Variants in NRDC observed in about 807,000 individuals in gnomAD.
The protein encoded by NRDC is nardilysin.
Under a neutral mutation model 147.1 loss-of-function variants are expected in NRDC, and 54 were observed. The observed-to-expected ratio is 0.37, with a 90% CI of 0.29 to 0.46. The LOEUF is 0.46. Ranked by LOEUF, NRDC falls within the 20% of genes least tolerant of loss-of-function variation. The pLI, the probability that NRDC is intolerant of heterozygous loss-of-function variation, is 1.00. For synonymous variants in NRDC, 440 were observed against 482.1 expected, an observed-to-expected ratio of 0.91 and a Z score of 1.14; for missense variants, 1,082 against 1,370.6, an observed-to-expected ratio of 0.79 and a Z score of 3.33.
Position 51,819,857 on chromosome 1 carries a change from T to A in NRDC, c.1234A>T (p.Asn412Tyr). The A allele has an allele frequency of 6.2e-7, 1 of 1,607,570 alleles. No homozygotes were observed. The highest frequency in any genetic ancestry group is 8.5e-7 in the Non-Finnish European group (1 of 1,176,744). ...QIPNNGLPRP[N>Y]FGHLTDPFDT... is the part of the protein sequence containing the mutation. Reference sequence around the variant, plus strand: ...AATGGATCCGTTAAATGGCCAAAGTTTGGTCTGGGTAACCCACTGAAAATA... The same window carrying A: ...AATGGATCCGTTAAATGGCCAAAGTATGGTCTGGGTAACCCACTGAAAATA... Residue 412 changes from asparagine (N) to tyrosine (Y), a missense_variant, in exon 9 of 31, where the codon AAC becomes TAC. Asn to Tyr is a moderately radical substitution (Grantham distance 143, BLOSUM62 -2). Coordinates refer to ENST00000352171, the MANE Select transcript of NRDC (RefSeq NM_001101662.2).
At chr1:51,830,654 C>T (rs1351012683) in intron 4 of NRDC, among the ~76,000 whole-genome samples, 1 of 152,162 alleles carries the variant, frequency 6.6e-6, no homozygotes, top group Non-Finnish European at 1.5e-5. Context: ...TGTATTCCCG[C>T]TTATAATGGG....
intron 4 of NRDC, among the ~76,000 whole-genome samples, chr1:51,831,854 T>C (rs1680727451): frequency 6.6e-6 from 1 of 151,512 alleles, no homozygotes; most frequent in Admixed American, 6.6e-5. Flanking sequence ...GCTGGAATTA[T>C]AGGCATGAGG....
chr1:51,791,187 C>G (rs1165579061), intron 27 of NRDC, among the ~76,000 whole-genome samples, 197 bp from the exon 28 acceptor site: 4 of 152,184 alleles, frequency 2.6e-5, no homozygotes, highest in Non-Finnish European at 5.9e-5. Context: ...CTCCCCCTCA[C>G]CCCACCTCCA....
At chr1:51,869,388 CCA>C (rs1363471784) in intron 1 of NRDC, among the ~76,000 whole-genome samples, 1 of 152,112 alleles carries the variant, frequency 6.6e-6, no homozygotes, top group Non-Finnish European at 1.5e-5. Context: ...CTTCCTTTCC[CCA>C]GAGAAATGAG....
chr1:51,842,119 G>A (rs1395957436), intron 1 of NRDC, among the ~76,000 whole-genome samples: 1 of 152,056 alleles, frequency 6.6e-6, no homozygotes, highest in African/African-American at 2.4e-5. Flanking sequence ...GCTGCAGCGA[G>A]CCCAGATCGG....
At position 51,803,928 on chromosome 1, in the gene NRDC, C is replaced by A; in HGVS notation, c.2199G>T (p.Thr733=). ...CATAAGCTGGTTCCGCAAGGTTATG[C>A]GTAAGGATATTGACAAAGATATCAA... ...VLFDIFVNIL[T]HNLAEPAYEA... Residue 733 remains threonine (T), a synonymous_variant, in exon 20 of 31, where the codon ACG becomes ACT. Transcript: ENST00000352171. The A allele has an allele frequency of 6.2e-7, 1 of 1,611,668 alleles. No homozygotes were observed. The highest frequency in any genetic ancestry group is 1.1e-5 in the South Asian group (1 of 90,604).
At chr1:51,826,538 A>C (rs1456993983) in intron 5 of NRDC, among the ~76,000 whole-genome samples, 1 of 152,228 alleles carries the variant, frequency 6.6e-6, no homozygotes, top group Non-Finnish European at 1.5e-5. Flanking sequence ...CTTTCATCTC[A>C]ATCACTAAGA....
Position 51,800,643 on chromosome 1 carries a change from T to C in NRDC, c.2354A>G (p.Asn785Ser), listed in dbSNP as rs761142636. The change falls in exon 21 of 31, where the codon AAT (asparagine) becomes AGT (serine). Residue 785 changes from asparagine (N) to serine (S), a missense_variant. Coordinates refer to ENST00000352171, the MANE Select transcript of NRDC (RefSeq NM_001101662.2). The part of the protein sequence containing the change: ...QLIIDYLAEF[N>S]STPAVFTMIT... ...CATTGTAAAGACAGCTGGTGTGGAATTGAACTCAGCTAAGTAGTCAATAAT... is the reference window on the plus strand; with the variant it reads ...CATTGTAAAGACAGCTGGTGTGGAACTGAACTCAGCTAAGTAGTCAATAAT... 8.1e-6 allele frequency: 13 copies of C among 1,614,058 alleles called. No individual in the cohort carries two copies. Among genetic ancestry groups the C allele is most frequent in the East Asian group, 2.2e-5 (1 of 44,876 alleles).
intron 1 of NRDC, among the ~76,000 whole-genome samples, chr1:51,847,868 A>G (rs1269060533): frequency 1.3e-5 from 2 of 152,254 alleles, no homozygotes; most frequent in East Asian, 3.8e-4. Context: ...GTGGGCACCG[A>G]GGCCGAGGAG....
intron 1 of NRDC, among the ~76,000 whole-genome samples, chr1:51,866,569 C>G (rs547293174): frequency 1.3e-5 from 2 of 151,882 alleles, no homozygotes; most frequent in South Asian, 4.2e-4. Context: ...AAAACTGTAA[C>G]CAAATGACAA....
intron 16 of NRDC, among the ~76,000 whole-genome samples, chr1:51,809,975 A>G (rs1679640491): frequency 6.6e-6 from 1 of 152,142 alleles, no homozygotes; most frequent in South Asian, 2.1e-4. Context: ...CTGACTCAGA[A>G]TCTGCATTTT....
intron 22 of NRDC, 71 bp downstream of exon 22, chr1:51,798,178 G>A: frequency 5.3e-6 from 8 of 1,496,224 alleles, no homozygotes; most frequent in Non-Finnish European, 7.4e-6. Flanking sequence ...TTCCCCTTTA[G>A]GAAAGAACTA....
rs1453954584 is a variant in NRDC, at chr1:51,809,338, A to G, written c.1967T>C (p.Leu656Pro). The change falls in exon 17 of 31, where the codon CTT becomes CCT. Residue 656 changes from leucine to proline, a missense_variant. Leu to Pro is a moderately conservative substitution (Grantham distance 98). Around this residue, in one of 3 missense-constraint regions of NRDC, gnomAD observed 635 missense variants for 923.8 expected, o/e 0.69. Coordinates refer to ENST00000352171, the MANE Select transcript of NRDC (RefSeq NM_001101662.2). ...SNFELNPDLH[L>P]PAENKYIATD... Reference sequence around the variant, plus strand: ...ACCTATGTACTTGTTTTCAGCTGGAAGATGAAGATCTGGATTTAATTCGAA... The same window carrying G: ...ACCTATGTACTTGTTTTCAGCTGGAGGATGAAGATCTGGATTTAATTCGAA... 1.9e-6 allele frequency: 3 copies of G among 1,613,702 alleles called. No individual in the cohort carries two copies. The South Asian group carries it at 3.3e-5, about 18-fold the overall frequency.
At chr1:51,860,287 T>C (rs1016396920) in intron 1 of NRDC, among the ~76,000 whole-genome samples, 1 of 152,208 alleles carries the variant, frequency 6.6e-6, no homozygotes, top group Admixed American at 6.5e-5. Flanking sequence ...TCCCATTCCG[T>C]AAGTTTTTCT....
chr1:51,792,922 A>G (rs1173121974), intron 24 of NRDC, among the ~76,000 whole-genome samples: 1 of 152,244 alleles, frequency 6.6e-6, no homozygotes, highest in African/African-American at 2.4e-5. Flanking sequence ...ACCACATGCT[A>G]GCTGCCCAAG....
chr1:51,793,120 T>A (rs926716749), intron 24 of NRDC, among the ~76,000 whole-genome samples: 1 of 152,228 alleles, frequency 6.6e-6, no homozygotes, highest in Non-Finnish European at 1.5e-5. Flanking sequence ...TGAGATTTTC[T>A]GTTTCCCTCT....
chr1:51,812,148 T>C (rs1557906458), intron 14 of NRDC, 50 bp from the exon 15 acceptor site: 1 of 1,259,784 alleles, frequency 7.9e-7, no homozygotes, highest in Non-Finnish European at 1.2e-6. Context: ...TTATTATATT[T>C]GATTTACCAC....
At position 51,794,457 on chromosome 1, in the gene NRDC, G is replaced by T. The variant is rs143111186; in HGVS notation, c.2775+15C>A. On this transcript the variant is annotated intron_variant, in intron 24 of 30. Coordinates refer to ENST00000352171, the MANE Select transcript of NRDC (RefSeq NM_001101662.2). ...GCACTGGGCCTTCCGCCAGTCTTTAGTACACCCAACTGACCTGGTAGTACA... is the reference window on the plus strand; with the variant it reads ...GCACTGGGCCTTCCGCCAGTCTTTATTACACCCAACTGACCTGGTAGTACA... 1 of 1,613,262 alleles carries T rather than the reference G, an allele frequency of 6.2e-7. No homozygotes were observed. Among genetic ancestry groups the T allele is most frequent in the East Asian group, 2.2e-5 (1 of 44,846 alleles).
intron 1 of NRDC, among the ~76,000 whole-genome samples, chr1:51,843,610 T>C (rs143939160): frequency 6.6e-6 from 1 of 152,236 alleles, no homozygotes; most frequent in Non-Finnish European, 1.5e-5. Context: ...GAATTATACA[T>C]GTTAACAAAC....
Sources: allele counts gnomAD v4.1 joint callset (sites outside exome capture counted in the v4.1 genomes callset), GRCh38; gene constraint gnomAD v4.1.1; regional missense constraint gnomAD v4.1.1; transcripts MANE v1.5; gene names NCBI Gene and HGNC (gene_info 2026-07-23, HGNC 2026-07-21).